The following GC variants were observed in gnomAD, a reference collection of about 807,000 sequenced individuals.
GC encodes the protein vitamin D-binding protein.
GC carries 43 observed loss-of-function variants against 56.7 expected under a neutral mutation model. The ratio of observed to expected loss-of-function variants is 0.76; its 90% CI spans 0.59 to 0.98. GC has a LOEUF of 0.98. Ranked by LOEUF, GC falls within the 50% of genes least tolerant of loss-of-function variation. GC has a pLI of 0.00. For synonymous variants in GC, 216 were observed against 202.7 expected (o/e 1.07, Z -0.56); for missense variants, 529 against 545.9 (o/e 0.97, Z 0.31).
chr4:71,799,315 C>G (rs1743191976), intron 1 of GC, among the ~76,000 whole-genome samples: 1 of 152,204 alleles, frequency 6.6e-6, no homozygotes, highest in Non-Finnish European at 1.5e-5. Flanking sequence ...GAACAGGACT[C>G]TGTTTACCCC....
rs1741847091 is a variant in GC at position 71,758,133 on chromosome 4, T to C, written c.740A>G (p.Asp247Gly). The change falls in exon 7 of 13, where the codon GAT becomes GGT. Residue 247 changes from aspartate to glycine, a missense_variant. Coordinates refer to ENST00000273951, the MANE Select transcript of GC (RefSeq NM_000583.4). The stretch of plus-strand genomic sequence containing the variant: ...AGCTAGTGGCAAAACATCCTCCAGA[T>C]CAGCAGTAGGCACTTTTTGGGCTAA... Reference protein sequence around the residue: ...IKLAQKVPTADLEDVLPLAED... With the variant: ...IKLAQKVPTAGLEDVLPLAED... 1 of 1,613,482 alleles carries C rather than the reference T, an allele frequency of 6.2e-7. No individual in the cohort carries two copies. Among genetic ancestry groups the C allele is most frequent in the African/African-American group, 1.3e-5 (1 of 75,024 alleles).
intron 9 of GC, 94 bp from the exon 10 acceptor site, chr4:71,754,602 AAGCAT>A: frequency 1.4e-6 from 1 of 722,876 alleles, no homozygotes; most frequent in African/African-American, 1.8e-5. Context: ...TTGTATCATT[AAGCAT>A]TGGCAACTAT....
At position 71,768,365 on chromosome 4, in the gene GC, T is replaced by G. The variant is rs778038315; in HGVS notation, c.197A>C (p.Glu66Ala). 6.2e-7 allele frequency: 1 copy of G among 1,613,564 alleles called. No individual in the cohort carries two copies. The highest frequency in any genetic ancestry group is 8.5e-7 in the Non-Finnish European group (1 of 1,179,720). The change falls in exon 3 of 13, where the codon GAA (glutamate) becomes GCA (alanine). Residue 66 changes from glutamate (E) to alanine (A), a missense_variant. Glu to Ala is a moderately radical substitution (Grantham distance 107). Transcript: ENST00000273951. ...GCAGGCTTCGGTCAAGGAGACAACT[T>G]CCTTCACAAGTTGGCTGACCTGTTC... ...TFEQVSQLVK[E>A]VVSLTEACCA... is the part of the protein sequence containing the mutation.
chr4:71,788,566 A>G (rs1742895625), upstream of GC, among the ~76,000 whole-genome samples: 1 of 151,642 alleles, frequency 6.6e-6, no homozygotes, highest in Admixed American at 6.6e-5. Context: ...AGAAATATAC[A>G]TCACTGAAGA....
chr4:71,789,416 C>A (rs1157187498), intron 1 of GC, among the ~76,000 whole-genome samples: 1 of 151,868 alleles, frequency 6.6e-6, no homozygotes, highest in African/African-American at 2.4e-5. Context: ...ATGAACAGGA[C>A]TCTAAAGAGG....
At chr4:71,748,099 G>A (rs1393438826) in intron 11 of GC, among the ~76,000 whole-genome samples, 1 of 152,072 alleles carries the variant, frequency 6.6e-6, no homozygotes, top group Non-Finnish European at 1.5e-5. Context: ...ACCTCTGTAA[G>A]TTTCATTCAA....
chr4:71,773,037 G>C (rs1198860476), intron 1 of GC, among the ~76,000 whole-genome samples: 7 of 151,928 alleles, frequency 4.6e-5, no homozygotes, highest in Non-Finnish European at 1.0e-4. Flanking sequence ...AATGTTTTTG[G>C]TGTAAAACCA....
intron 6 of GC, among the ~76,000 whole-genome samples, chr4:71,762,743 T>C (rs1742023346): frequency 6.6e-6 from 1 of 152,190 alleles, no homozygotes; most frequent in Admixed American, 6.5e-5. Context: ...GGAGTTTCTC[T>C]GCACAAGCTC....
At chr4:71,792,318 C>T (rs1489979548) in intron 1 of GC, among the ~76,000 whole-genome samples, 2 of 152,214 alleles carry the variant, frequency 1.3e-5, no homozygotes, top group Admixed American at 1.3e-4. Context: ...CACATTCTCT[C>T]CAGCATCTGT....
chr4:71,748,893 G>C (rs1741460859), intron 11 of GC, among the ~76,000 whole-genome samples: 1 of 152,124 alleles, frequency 6.6e-6, no homozygotes, highest in Non-Finnish European at 1.5e-5. Context: ...AGTGAAAGGA[G>C]TAGATGGATA....
At chr4:71,801,934 C>A (rs1743264095) in intron 1 of GC, among the ~76,000 whole-genome samples, 1 of 144,418 alleles carries the variant, frequency 6.9e-6, no homozygotes, top group African/African-American at 2.6e-5. Flanking sequence ...AATTACAATG[C>A]TTAGATTAAA....
chr4:71,763,473 G>A lies in GC; in HGVS notation c.636C>T (p.Leu212=). The A allele has an allele frequency of 1.2e-6, 2 of 1,603,752 alleles. No individual in the cohort carries two copies. Among genetic ancestry groups the A allele is most frequent in the Non-Finnish European group, 1.7e-6 (2 of 1,171,006 alleles). ...AGCAGACTCTATTTGACAGAGTGGT[G>A]AGAAGTGATAAATGTTTAAGCTGGA... ...ERLQLKHLSL[L]TTLSNRVCSQ... The change falls in exon 6 of 13, where the codon CTC becomes CTT. Residue 212 remains leucine, a synonymous_variant. Transcript: ENST00000273951.
chr4:71,757,622 C>A (rs555871536), intron 7 of GC, among the ~76,000 whole-genome samples: 142 of 152,104 alleles, frequency 9.3e-4, no homozygotes, highest in African/African-American at 3.3e-3. Context: ...TCTGTATTTG[C>A]ACTATCCAAT....
At position 71,753,957 on chromosome 4, in the gene GC, ATTTTTATGGCTGT is replaced by A. The variant is rs367902382; in HGVS notation, c.1262+441_1262+453del. 7.7e-3 allele frequency among the ~76,000 whole-genome samples: 1,174 copies of A among 152,258 alleles called. 20 individuals carry two copies. The highest frequency in any genetic ancestry group is 0.027 in the African/African-American group (1,123 of 41,528). ...CCTGCAGATAGATTTCGTCATCTAT[ATTTTTATGGCTGT>A]TTTAATTGGCCACCCACTTGCTACA... On this transcript the variant is annotated intron_variant, in intron 10 of 12. Coordinates refer to ENST00000273951, the MANE Select transcript of GC (RefSeq NM_000583.4).
chr4:71,779,707 C>G (rs1367654990), intron 1 of GC, among the ~76,000 whole-genome samples: 5 of 151,832 alleles, frequency 3.3e-5, no homozygotes, highest in Non-Finnish European at 5.9e-5. Flanking sequence ...ACAGAGTGTG[C>G]ACACTTCTCC....
At chr4:71,761,294 T>G (rs1741966987) in intron 6 of GC, among the ~76,000 whole-genome samples, 1 of 152,160 alleles carries the variant, frequency 6.6e-6, no homozygotes, top group African/African-American at 2.4e-5. Context: ...GCCCTGAAGA[T>G]CTGTGGAACT....
chr4:71,802,124 C>A (rs1036703137), intron 1 of GC, among the ~76,000 whole-genome samples: 1 of 152,126 alleles, frequency 6.6e-6, no homozygotes, highest in Non-Finnish European at 1.5e-5. Context: ...TGCTTCTGAA[C>A]ATCAGATATA....
Position 71,783,961 on chromosome 4 carries a change from C to T in GC, c.58G>A (p.Gly20Ser), listed in dbSNP as rs1742765268. The stretch of plus-strand genomic sequence containing the variant: ...ATGGTCACAACAAAAGAAATCTTAC[C>T]TCTCTCTAAAGCATGTCCAAATGCC... ...AVAFGHALER[G>S]RDYEKNKVCK... The change falls in exon 1 of 13, where the codon GGC becomes AGC. Residue 20 changes from glycine to serine, a missense_variant and splice_region_variant. Transcript: ENST00000273951. 1 of 1,582,790 alleles carries T rather than the reference C, an allele frequency of 6.3e-7. No individual in the cohort carries two copies.
intron 1 of GC, among the ~76,000 whole-genome samples, chr4:71,792,802 T>G (rs931753779): frequency 2.2e-4 from 34 of 152,352 alleles, no homozygotes; most frequent in African/African-American, 8.2e-4. Context: ...AGGTCTAATA[T>G]GTAAGCCTTT....
Sources: allele counts gnomAD v4.1 joint callset (sites outside exome capture counted in the v4.1 genomes callset), GRCh38; gene constraint gnomAD v4.1.1; transcripts MANE v1.5; gene names NCBI Gene and HGNC (gene_info 2026-07-23, HGNC 2026-07-21).